Variants in ZFHX3 observed in about 807,000 individuals in gnomAD.
The protein encoded by ZFHX3 is zinc finger homeobox protein 3.
A neutral mutation model predicts 279.1 loss-of-function variants in ZFHX3; 42 were observed. The observed-to-expected ratio is 0.15, with a 90% CI of 0.12 to 0.19. ZFHX3 has a LOEUF of 0.19. Ranked by LOEUF, ZFHX3 falls within the 10% of genes least tolerant of loss-of-function variation. The pLI is 1.00. For missense variants in ZFHX3, 4,981 were observed against 4,754.0 expected (o/e 1.05, Z -1.40); for synonymous variants, 2,293 against 1,957.8 (o/e 1.17, Z -4.52).
At chr16:73,527,208 G>A (rs1006266294) in intron 2 of ZFHX3, among the ~76,000 whole-genome samples, 42 of 152,086 alleles carry the variant, frequency 2.8e-4, no homozygotes, top group South Asian at 8.3e-4. Context: ...ATCCATCAAC[G>A]TCTATTCAAA....
intron 3 of ZFHX3, among the ~76,000 whole-genome samples, chr16:72,900,155 A>AAC (rs1555528625): frequency 9.5e-4 from 142 of 149,624 alleles, no homozygotes; most frequent in Non-Finnish European, 1.3e-3. Flanking sequence ...AAAAAAAAAA[A>AAC]CAAGAAGTGT....
At chr16:73,872,705 G>T (rs949220111) in intron 1 of ZFHX3, among the ~76,000 whole-genome samples, 2 of 130,434 alleles carry the variant, frequency 1.5e-5, no homozygotes, top group African/African-American at 5.8e-5. Context: ...TAATTTCATG[G>T]AATGGAAACC....
intron 1 of ZFHX3, among the ~76,000 whole-genome samples, chr16:73,687,064 A>ATT (rs34707197): frequency 6.5e-5 from 6 of 92,892 alleles, no homozygotes; most frequent in African/African-American, 2.4e-4. Flanking sequence ...ATATATATAT[A>ATT]TTTGCAGCTT....
chr16:73,820,619 T>C lies in ZFHX3; in HGVS notation c.-1608+71032A>G, dbSNP rs181159256. On this transcript the variant is annotated intron_variant, in intron 1 of 17. Coordinates refer to the ZFHX3 transcript ENST00000641206. ...AGTCCAGCTCCAGCCAACATCTGAATGTAACCCCCTGTGAGACTCCAAGCA... is the reference window on the plus strand; with the variant it reads ...AGTCCAGCTCCAGCCAACATCTGAACGTAACCCCCTGTGAGACTCCAAGCA... Among the ~76,000 whole-genome samples, 48 of 152,140 alleles carry C rather than the reference T, an allele frequency of 3.2e-4. No homozygotes were observed. The Middle Eastern group carries it at 0.027, about 86-fold the overall frequency.
At chr16:73,509,057 T>C (rs16972061) in intron 2 of ZFHX3, among the ~76,000 whole-genome samples, 50,479 of 152,044 alleles carry the variant, frequency 0.33, 9,068 homozygotes, top group African/African-American at 0.45. Context: ...GTGCACAAAG[T>C]TGATAGTAAT....
chr16:73,118,769 T>G (rs536854323), intron 7 of ZFHX3, among the ~76,000 whole-genome samples: 17 of 152,314 alleles, frequency 1.1e-4, no homozygotes, highest in Non-Finnish European at 2.4e-4. Context: ...GTAAGAGTGT[T>G]TCTGTGGAAG....
At chr16:73,889,125 T>C (rs2030444680) in intron 1 of ZFHX3, among the ~76,000 whole-genome samples, 1 of 152,106 alleles carries the variant, frequency 6.6e-6, no homozygotes, top group African/African-American at 2.4e-5. Flanking sequence ...ACAATCCTCA[T>C]CCCTGCCTTT....
At chr16:73,051,483 C>G (rs957141971), upstream of ZFHX3, among the ~76,000 whole-genome samples, 1 of 152,182 alleles carries the variant, frequency 6.6e-6, no homozygotes, top group Non-Finnish European at 1.5e-5. Flanking sequence ...GGCCTGCACA[C>G]AGATGTTTTG....
intron 3 of ZFHX3, among the ~76,000 whole-genome samples, chr16:73,412,303 G>A (rs2017486024): frequency 6.7e-6 from 1 of 149,576 alleles, no homozygotes; most frequent in South Asian, 2.1e-4. Flanking sequence ...CTCCACCCTG[G>A]GCAACAGAGT....
rs187884469 is a variant in ZFHX3, at chr16:73,566,289, A to T, written c.-1546-110031T>A. ...TTGAGATGATCTCCTCATAGACCTA[A>T]AATACCCACAATGGGTGGTACATTT... On this transcript the variant is annotated intron_variant, in intron 2 of 17. Coordinates refer to the ZFHX3 transcript ENST00000641206. Among the ~76,000 whole-genome samples the T allele has an allele frequency of 5.4e-4, 83 of 152,338 alleles. 1 individual carries two copies. The highest frequency in any genetic ancestry group is 1.9e-3 in the African/African-American group (80 of 41,586).
intron 2 of ZFHX3, among the ~76,000 whole-genome samples, chr16:73,457,449 C>T (rs2018392644): frequency 1.3e-5 from 2 of 152,282 alleles, no homozygotes; most frequent in South Asian, 4.1e-4. Context: ...AGCTGCTGAA[C>T]CTCTCTGAAC....
At chr16:73,332,473 T>C (rs531140906) in intron 3 of ZFHX3, among the ~76,000 whole-genome samples, 102 of 152,348 alleles carry the variant, frequency 6.7e-4, no homozygotes, top group African/African-American at 2.3e-3. Flanking sequence ...CAGAGGGTTA[T>C]ACATCTTCCC....
intron 2 of ZFHX3, among the ~76,000 whole-genome samples, chr16:73,468,081 G>C (rs925878163): frequency 2.6e-5 from 4 of 152,228 alleles, no homozygotes; most frequent in African/African-American, 9.6e-5. Flanking sequence ...GGTTACAAAT[G>C]TCAGACAGTC....
At chr16:73,075,103 C>T (rs1404655601) in intron 8 of ZFHX3, among the ~76,000 whole-genome samples, 1 of 152,278 alleles carries the variant, frequency 6.6e-6, no homozygotes, top group Non-Finnish European at 1.5e-5. Context: ...CTAGTGCACT[C>T]GGCCTTTTTG....
intron 4 of ZFHX3, among the ~76,000 whole-genome samples, chr16:73,308,252 TA>T (rs2015233352): frequency 9.0e-4 from 33 of 36,864 alleles, no homozygotes; most frequent in South Asian, 7.4e-3. Flanking sequence ...TATATATATA[TA>T]TATATATATA....
intron 2 of ZFHX3, among the ~76,000 whole-genome samples, chr16:73,480,134 T>C (rs1334506786): frequency 1.3e-5 from 2 of 152,148 alleles, no homozygotes; most frequent in Non-Finnish European, 2.9e-5. Context: ...CCAGATTAAA[T>C]CGTCCTGGCT....
intron 5 of ZFHX3, among the ~76,000 whole-genome samples, chr16:73,205,658 A>G (rs1222335341): frequency 6.6e-6 from 1 of 152,190 alleles, no homozygotes; most frequent in Non-Finnish European, 1.5e-5. Flanking sequence ...GTGTGCGTGA[A>G]TGAAGCAGCT....
chr16:73,199,815 T>C (rs1365846773), intron 5 of ZFHX3, among the ~76,000 whole-genome samples: 1 of 152,210 alleles, frequency 6.6e-6, no homozygotes, highest in African/African-American at 2.4e-5. Flanking sequence ...CCAAAATGGA[T>C]GTTGTCACAT....
At chr16:72,986,718 G>A (rs765630240) in intron 1 of ZFHX3, among the ~76,000 whole-genome samples, 5 of 152,266 alleles carry the variant, frequency 3.3e-5, no homozygotes, top group Admixed American at 1.3e-4. Flanking sequence ...TAGGCATCTC[G>A]CAGGTAGTAT....
Sources: gnomAD v4.1 joint callset for allele counts (sites outside exome capture counted in the v4.1 genomes callset) on GRCh38, gnomAD v4.1.1 for gene constraint, MANE v1.5 for transcripts, NCBI Gene and HGNC (gene_info 2026-07-23, HGNC 2026-07-21) for gene names.